SH3YL1: variants seen among roughly 807,000 people sequenced by gnomAD.
SH3YL1 encodes the protein SH3 and SYLF domain containing 1.
SH3YL1 carries 41 observed loss-of-function variants against 45.8 expected under a neutral mutation model. The ratio of observed to expected loss-of-function variants is 0.89; its 90% CI spans 0.70 to 1.16. The LOEUF (loss-of-function observed/expected upper bound fraction) is 1.16. SH3YL1 is among the 50% of genes most tolerant of loss of function. SH3YL1 has a pLI of 0.00. For missense variants in SH3YL1, 389 were observed against 409.6 expected, an observed-to-expected ratio of 0.95 and a Z score of 0.43; for synonymous variants, 152 against 151.4, an observed-to-expected ratio of 1.00 and a Z score of -0.03.
At chr2:247,083 C>T (rs893140346) in intron 4 of SH3YL1, among the ~76,000 whole-genome samples, 3 of 152,216 alleles carry the variant, frequency 2.0e-5, no homozygotes, top group Non-Finnish European at 4.4e-5. Flanking sequence ...ACATTATAAA[C>T]TGAAATAACG....
intron 4 of SH3YL1, among the ~76,000 whole-genome samples, chr2:246,324 G>A (rs1289537089): frequency 6.6e-6 from 1 of 152,130 alleles, no homozygotes; most frequent in Non-Finnish European, 1.5e-5. Flanking sequence ...GGCTTCTAAT[G>A]TGCCCTATGG....
intron 2 of SH3YL1, among the ~76,000 whole-genome samples, chr2:250,865 A>C (rs1279178050): frequency 6.6e-6 from 1 of 152,248 alleles, no homozygotes; most frequent in Non-Finnish European, 1.5e-5. Flanking sequence ...ACAGAAAATA[A>C]GGTTGCATCC....
chr2:255,166 T>C (rs1254120694), intron 1 of SH3YL1, among the ~76,000 whole-genome samples: 1 of 152,246 alleles, frequency 6.6e-6, no homozygotes, highest in Non-Finnish European at 1.5e-5. Flanking sequence ...TCAGAGCTCA[T>C]GTATAAACTC....
At chr2:257,642 CCCCTT>C (rs1218273391) in intron 1 of SH3YL1, among the ~76,000 whole-genome samples, 1 of 152,200 alleles carries the variant, frequency 6.6e-6, no homozygotes, top group Admixed American at 6.5e-5. Flanking sequence ...TACGTCACTT[CCCCTT>C]TTTTGGTCTA....
rs779262510 is a variant in SH3YL1 at position 231,042 on chromosome 2, C to T, written c.683G>A (p.Arg228Lys). 1 of 1,614,118 alleles carries T rather than the reference C, an allele frequency of 6.2e-7. No homozygotes were observed. Among genetic ancestry groups the T allele is most frequent in the East Asian group, 2.2e-5 (1 of 44,864 alleles). ...CGGTACAGAAGACTTCCTCTGCTCCCTTGCTGCTTTTCTTGCATTGATTCG... is the reference window on the plus strand; with the variant it reads ...CGGTACAGAAGACTTCCTCTGCTCCTTTGCTGCTTTTCTTGCATTGATTCG... ...GQRINARKAA[R>K]EQRKSSAKEL... is the part of the protein sequence containing the mutation. The change falls in exon 7 of 10, where the codon AGG becomes AAG. Residue 228 changes from arginine to lysine, a missense_variant. Transcript: ENST00000356150.
chr2:252,231 G>A (rs1280332051), intron 2 of SH3YL1, among the ~76,000 whole-genome samples: 1 of 152,186 alleles, frequency 6.6e-6, no homozygotes, highest in Non-Finnish European at 1.5e-5. Context: ...GCACATCTGT[G>A]TTAGGAATTA....
At chr2:257,659 A>G (rs113979122) in intron 1 of SH3YL1, among the ~76,000 whole-genome samples, 60 of 152,248 alleles carry the variant, frequency 3.9e-4, no homozygotes, top group African/African-American at 1.3e-3. Context: ...TTTGGTCTAT[A>G]AATTTGTTCT....
intron 4 of SH3YL1, among the ~76,000 whole-genome samples, chr2:237,577 T>C (rs1026281774): frequency 2.0e-5 from 3 of 152,078 alleles, no homozygotes; most frequent in Admixed American, 1.3e-4. Context: ...CTCAACTACA[T>C]AACAGTCTGA....
upstream of SH3YL1, chr2:264,186 G>C (rs1669739052): frequency 1.5e-6 from 1 of 671,692 alleles, no homozygotes; most frequent in Non-Finnish European, 2.3e-6. Flanking sequence ...TTCGCCCTCA[G>C]GGACTTCGGA....
At chr2:252,870 G>T in intron 2 of SH3YL1, 135 bp downstream of exon 2, 1 of 602,268 alleles carries the variant, frequency 1.7e-6, no homozygotes, top group Non-Finnish European at 2.9e-6. Context: ...GAAAAAAGGT[G>T]GTGGAACAAA....
chr2:253,134 T>G lies in SH3YL1; in HGVS notation c.2-19A>C. ...TTATTCACTGAAACATAACAAAAGATATTTTAATGAAAAATTCTGCTAAAT... is the reference window on the plus strand; with the variant it reads ...TTATTCACTGAAACATAACAAAAGAGATTTTAATGAAAAATTCTGCTAAAT... On this transcript the variant is annotated intron_variant, in intron 1 of 9. Coordinates refer to ENST00000356150, the MANE Select transcript of SH3YL1 (RefSeq NM_015677.4). 2 of 1,331,434 alleles carry G rather than the reference T, an allele frequency of 1.5e-6. No homozygotes were observed. Among genetic ancestry groups the G allele is most frequent in the Non-Finnish European group, 2.1e-6 (2 of 965,588 alleles). The allele number at this position is 1,331,434 out of a possible 1,614,324, so 82.5% of individuals were successfully genotyped here.
rs1326072187 is a variant in SH3YL1 at position 253,089 on chromosome 2, T to G, written c.28A>C (p.Lys10Gln). The change falls in exon 2 of 10, where the codon AAA becomes CAA. Residue 10 changes from lysine (K) to glutamine (Q), a missense_variant. Physicochemically the swap from Lys to Gln is moderately conservative, Grantham distance 53. Coordinates refer to ENST00000356150, the MANE Select transcript of SH3YL1 (RefSeq NM_015677.4). MNNPIPSNL[K>Q]SEAKKAAKIL... ...TTGGCAGCCTTTTTTGCTTCTGATTTCAAATTGGAAGGTATAGGGTTATTC... is the reference window on the plus strand; with the variant it reads ...TTGGCAGCCTTTTTTGCTTCTGATTGCAAATTGGAAGGTATAGGGTTATTC... 1.4e-5 allele frequency: 22 copies of G among 1,546,524 alleles called. No homozygotes were observed. Among genetic ancestry groups the G allele is most frequent in the Non-Finnish European group, 1.7e-5 (19 of 1,142,614 alleles).
At chr2:233,433 G>A (rs1668144566) in intron 5 of SH3YL1, among the ~76,000 whole-genome samples, 1 of 152,194 alleles carries the variant, frequency 6.6e-6, no homozygotes, top group African/African-American at 2.4e-5. Flanking sequence ...GAACATACAT[G>A]AAATTATTAC....
At chr2:243,459 T>C (rs1022429672) in intron 4 of SH3YL1, 37 of 1,473,194 alleles carry the variant, frequency 2.5e-5, no homozygotes, top group Middle Eastern at 1.7e-4. Context: ...ACATGAGAAA[T>C]TAGATAATAT....
chr2:225,299 A>G (rs1397863390), intron 8 of SH3YL1, among the ~76,000 whole-genome samples: 5 of 152,238 alleles, frequency 3.3e-5, no homozygotes, highest in African/African-American at 1.2e-4. Context: ...CACATTTCAC[A>G]CTGGATTCCC....
chr2:250,883 C>T (rs1282741665), intron 2 of SH3YL1, among the ~76,000 whole-genome samples: 1 of 152,186 alleles, frequency 6.6e-6, no homozygotes, highest in African/African-American at 2.4e-5. Context: ...TCCTGGATGG[C>T]TGTCTACTAA....
rs375112982 is a variant in SH3YL1, at chr2:219,051, G to A, written c.839-50C>T. The A allele has an allele frequency of 4.2e-5, 62 of 1,492,492 alleles. No homozygotes were observed. The African/African-American group carries it at 7.4e-4, about 18-fold the overall frequency. The allele number at this position is 1,492,492 out of a possible 1,614,324, so 92.5% of individuals were successfully genotyped here. On this transcript the variant is annotated intron_variant, in intron 9 of 9. Transcript: ENST00000356150. ...GTTTATGTTCTTTAAGGGAGAAATTGGGGGTATCTGCTGGTAAGATAAAAA... is the reference window on the plus strand; with the variant it reads ...GTTTATGTTCTTTAAGGGAGAAATTAGGGGTATCTGCTGGTAAGATAAAAA...
chr2:224,009 T>C (rs1172220733), intron 9 of SH3YL1, among the ~76,000 whole-genome samples: 6 of 152,256 alleles, frequency 3.9e-5, no homozygotes, highest in Non-Finnish European at 7.3e-5. Flanking sequence ...ATCTGCATGA[T>C]ATAAATTTTT....
chr2:255,381 G>A (rs944188725), intron 1 of SH3YL1, among the ~76,000 whole-genome samples: 4 of 152,156 alleles, frequency 2.6e-5, no homozygotes, highest in Non-Finnish European at 5.9e-5. Context: ...ATCACTTGAG[G>A]CCAGGAGTTC....
Sources: allele counts gnomAD v4.1 joint callset (sites outside exome capture counted in the v4.1 genomes callset), GRCh38; gene constraint gnomAD v4.1.1; transcripts MANE v1.5; gene names NCBI Gene and HGNC (gene_info 2026-07-23, HGNC 2026-07-21).